Variants in ATF7IP observed in about 807,000 individuals in gnomAD.
ATF7IP encodes activating transcription factor 7 interacting protein, also known as activating transcription factor 7-interacting protein 1.
ATF7IP carries 23 observed loss-of-function variants against 106.4 expected under a neutral mutation model. The ratio of observed to expected loss-of-function variants is 0.22; its 90% CI spans 0.16 to 0.31. The LOEUF is 0.31. ATF7IP is among the 10% of genes least tolerant of loss of function. The pLI is 1.00. For missense variants in ATF7IP, 1,334 were observed against 1,524.3 expected (o/e 0.88, Z 2.08); for synonymous variants, 542 against 539.0 (o/e 1.01, Z -0.08).
At chr12:14,412,484 T>A (rs1451769106) in intron 1 of ATF7IP, among the ~76,000 whole-genome samples, 1 of 152,102 alleles carries the variant, frequency 6.6e-6, no homozygotes, top group African/African-American at 2.4e-5. Context: ...GAATATTAAG[T>A]TTTGTACTTC....
intron 13 of ATF7IP, among the ~76,000 whole-genome samples, chr12:14,492,649 A>G (rs928364698): frequency 1.3e-5 from 2 of 152,138 alleles, no homozygotes; most frequent in African/African-American, 4.8e-5. Context: ...TATTGTGATT[A>G]ATTAGCCAAT....
intron 1 of ATF7IP, among the ~76,000 whole-genome samples, chr12:14,409,632 T>C (rs1940795812): frequency 6.6e-6 from 1 of 152,128 alleles, no homozygotes; most frequent in Non-Finnish European, 1.5e-5. Flanking sequence ...TACTGTAGAA[T>C]TATGTACCAT....
At chr12:14,393,239 A>T (rs74529330) in intron 1 of ATF7IP, among the ~76,000 whole-genome samples, 3,082 of 152,286 alleles carry the variant, frequency 0.02, 34 homozygotes, top group Middle Eastern at 0.031. Context: ...ACTGTAAGGT[A>T]TATAATAAGT....
Position 14,425,002 on chromosome 12 carries a change from C to A in ATF7IP, c.1087C>A (p.Arg363=), listed in dbSNP as rs189410213. 1 of 1,611,100 alleles carries A rather than the reference C, an allele frequency of 6.2e-7. No homozygotes were observed. Among genetic ancestry groups the A allele is most frequent in the African/African-American group, 1.3e-5 (1 of 74,658 alleles). ...ETDDTTICSD[R]PPENEKKVEE... ...AGATGATACAACTATTTGTTCAGAT[C>A]GACCTCCTGAAAATGAAAAGAAGGT... Residue 363 remains arginine, a synonymous_variant, in exon 2 of 15, where the codon CGA becomes AGA. Coordinates refer to ENST00000261168, the MANE Select transcript of ATF7IP (RefSeq NM_018179.5).
chr12:14,486,691 C>T (rs559279461), intron 13 of ATF7IP, among the ~76,000 whole-genome samples: 156 of 152,320 alleles, frequency 1.0e-3, no homozygotes, highest in African/African-American at 3.6e-3. Context: ...ACTCTTCTAA[C>T]TGCCACTTTG....
intron 1 of ATF7IP, among the ~76,000 whole-genome samples, chr12:14,423,385 T>A (rs930795664): frequency 6.6e-6 from 1 of 152,026 alleles, no homozygotes; most frequent in Non-Finnish European, 1.5e-5. Context: ...TTGTTGTGAA[T>A]TTTCTTTCTT....
chr12:14,452,619 C>G (rs181832770), intron 6 of ATF7IP, among the ~76,000 whole-genome samples: 169 of 152,244 alleles, frequency 1.1e-3, no homozygotes, highest in Non-Finnish European at 1.5e-3. Context: ...TAGTCTATAT[C>G]TGCCTCACTA....
In ATF7IP at chr12:14,423,188, A is replaced by G. The variant is rs540612935; in HGVS notation, c.-7-721A>G. 5.9e-5 allele frequency among the ~76,000 whole-genome samples: 9 copies of G among 152,192 alleles called. No individual in the cohort carries two copies. The East Asian group carries it at 1.7e-3, about 29-fold the overall frequency. On this transcript the variant is annotated intron_variant, in intron 1 of 14. Coordinates refer to ENST00000261168, the MANE Select transcript of ATF7IP (RefSeq NM_018179.5). ...TTGGCTTAGGGGTCTCTTTCTGGAA[A>G]TGTCTGTTCAAGTCCTTTGACCATT... is the stretch of plus-strand genomic sequence containing the variant.
At chr12:14,412,735 T>C (rs2136505133) in intron 1 of ATF7IP, among the ~76,000 whole-genome samples, 1 of 152,214 alleles carries the variant, frequency 6.6e-6, no homozygotes, top group South Asian at 2.1e-4. Context: ...GACTTGTGGC[T>C]GGGTGTGGTG....
Position 14,466,526 on chromosome 12 carries a change from A to G in ATF7IP, c.2798A>G (p.Glu933Gly). The G allele has an allele frequency of 6.3e-7, 1 of 1,597,586 alleles. No homozygotes were observed. Among genetic ancestry groups the G allele is most frequent in the Non-Finnish European group, 8.5e-7 (1 of 1,174,940 alleles). ...AAAAATGGCTTTTTTTACTTTTCAG[A>G]AAACCAGACAAACAAAACAATAGAT... ...EQNSNTTPRI[E>G]NQTNKTIDAS... Residue 933 changes from glutamate (E) to glycine (G), a missense_variant and splice_region_variant, in exon 10 of 15, where the codon GAA (glutamate) becomes GGA (glycine). Glu to Gly is a moderately conservative substitution (Grantham distance 98). Coordinates refer to ENST00000261168, the MANE Select transcript of ATF7IP (RefSeq NM_018179.5).
chr12:14,495,376 A>G (rs1944982504), intron 13 of ATF7IP, among the ~76,000 whole-genome samples: 1 of 152,234 alleles, frequency 6.6e-6, no homozygotes, highest in South Asian at 2.1e-4. Context: ...CAGTAATGCT[A>G]TCATTTAGAA....
At chr12:14,443,136 C>G (rs1270262899) in intron 5 of ATF7IP, among the ~76,000 whole-genome samples, 2 of 151,968 alleles carry the variant, frequency 1.3e-5, no homozygotes, top group Non-Finnish European at 2.9e-5. Flanking sequence ...GCCTGGGCAA[C>G]AGAGCAAGAC....
intron 1 of ATF7IP, among the ~76,000 whole-genome samples, chr12:14,372,006 C>T (rs989356739): frequency 6.6e-6 from 1 of 152,054 alleles, no homozygotes; most frequent in Non-Finnish European, 1.5e-5. Context: ...AAACAGATTA[C>T]CTTAATGTCA....
At chr12:14,375,956 A>G (rs1938720114) in intron 1 of ATF7IP, among the ~76,000 whole-genome samples, 1 of 152,170 alleles carries the variant, frequency 6.6e-6, no homozygotes, top group East Asian at 1.9e-4. Flanking sequence ...TCATATTACC[A>G]CTCATTAGTA....
At chr12:14,492,810 T>G (rs577100904) in intron 13 of ATF7IP, among the ~76,000 whole-genome samples, 6 of 152,242 alleles carry the variant, frequency 3.9e-5, no homozygotes, top group African/African-American at 1.4e-4. Context: ...GTATTTAAAT[T>G]TTGTAGTTGA....
intron 1 of ATF7IP, among the ~76,000 whole-genome samples, chr12:14,386,251 C>T (rs1485804039): frequency 3.3e-5 from 5 of 152,010 alleles, no homozygotes; most frequent in Non-Finnish European, 5.9e-5. Flanking sequence ...TTCTTAACAT[C>T]GTTCTGGAGT....
In ATF7IP at chr12:14,434,431, T is replaced by A. The variant is rs769122316; in HGVS notation, c.1645+8T>A. The stretch of plus-strand genomic sequence containing the variant: ...AAAGACCTTCTGAGAAAAGTATGCA[T>A]GTATAAACAAACTTGAACTGGATTG... On this transcript the variant is annotated splice_region_variant and intron_variant, in intron 3 of 14. Coordinates refer to ENST00000261168, the MANE Select transcript of ATF7IP (RefSeq NM_018179.5). 2.1e-6 allele frequency: 3 copies of A among 1,423,944 alleles called. No homozygotes were observed. The East Asian group carries it at 7.0e-5, about 33-fold the overall frequency. 88.2% of individuals were successfully genotyped at this position (1,423,944 alleles called of 1,614,324 possible).
chr12:14,383,196 G>A (rs1243692945), intron 1 of ATF7IP, among the ~76,000 whole-genome samples: 4 of 152,050 alleles, frequency 2.6e-5, no homozygotes, highest in South Asian at 4.1e-4. Context: ...CTGGATTTTC[G>A]GATTAGGGAT....
chr12:14,427,102 A>G (rs1449809041), intron 2 of ATF7IP, among the ~76,000 whole-genome samples: 1 of 148,898 alleles, frequency 6.7e-6, no homozygotes, highest in African/African-American at 2.5e-5. Context: ...TAATATCTGT[A>G]TAACAGAGGT....
Sources: gnomAD v4.1 joint callset for allele counts (sites outside exome capture counted in the v4.1 genomes callset) on GRCh38, gnomAD v4.1.1 for gene constraint, MANE v1.5 for transcripts, NCBI Gene and HGNC (gene_info 2026-07-23, HGNC 2026-07-21) for gene names.